AP1M1: variants seen among roughly 807,000 people sequenced by gnomAD.
The protein encoded by AP1M1 is AP-1 complex subunit mu-1.
A neutral mutation model predicts 57.1 loss-of-function variants in AP1M1; 18 were observed. That is an observed-to-expected ratio of 0.32 (90% CI 0.22 to 0.47). The LOEUF is 0.47. Among genes scored for constraint, AP1M1 ranks in the 20% least tolerant of loss-of-function variants. AP1M1 has a pLI of 1.00. For synonymous variants in AP1M1, 241 were observed against 237.9 expected (o/e 1.01, Z -0.12); for missense variants, 362 against 593.5 (o/e 0.61, Z 4.05).
At chr19:16,224,282 C>A (rs760571983) in intron 5 of AP1M1, among the ~76,000 whole-genome samples, 4 of 152,198 alleles carry the variant, frequency 2.6e-5, no homozygotes, top group Non-Finnish European at 4.4e-5. Flanking sequence ...AAAGGCAAGT[C>A]CCAGGGGGCA....
chr19:16,245,200 C>T lies in AP1M1; in HGVS notation c.*10765C>T, dbSNP rs2091659680. On this transcript the variant is annotated 3_prime_UTR_variant, in exon 12 of 12. Transcript: ENST00000291439. Reference sequence around the variant, plus strand: ...CATGAGCCACTGCGCCCAGCCAAATCTGCATTTTGATAAGTATGCATTTTA... The same window carrying T: ...CATGAGCCACTGCGCCCAGCCAAATTTGCATTTTGATAAGTATGCATTTTA... 1 of 152,010 alleles carries T rather than the reference C, an allele frequency of 6.6e-6. No homozygotes were observed. The highest frequency in any genetic ancestry group is 2.1e-4 in the South Asian group (1 of 4,830). 9.4% of individuals were successfully genotyped at this position (152,010 alleles called of 1,614,324 possible).
chr19:16,208,657 A>G (rs1720486613), intron 4 of AP1M1, among the ~76,000 whole-genome samples: 1 of 152,154 alleles, frequency 6.6e-6, no homozygotes, highest in African/African-American at 2.4e-5. Context: ...CTGCTCCTTC[A>G]GCAGGATGGG....
intron 5 of AP1M1, among the ~76,000 whole-genome samples, chr19:16,221,132 T>G (rs10451500): frequency 6.6e-6 from 1 of 152,214 alleles, no homozygotes; most frequent in Non-Finnish European, 1.5e-5. Context: ...TTTTTTGTTT[T>G]GTTTTGTTTT....
chr19:16,228,897 G>A lies in AP1M1; in HGVS notation c.1016G>A (p.Ser339Asn). The change falls in exon 9 of 12, where the codon AGC becomes AAC. Residue 339 changes from serine (S) to asparagine (N), a missense_variant. Transcript: ENST00000291439. This position sits in a 1 kb window ranked among gnomAD's most constrained non-coding sequence, Gnocchi z 5.0. Reference sequence around the variant, plus strand: ...AGCGTTAAGTGGGTCCCCGAGAACAGCGAGATCGTGTGGTCCATCAAGTCC... The same window carrying A: ...AGCGTTAAGTGGGTCCCCGAGAACAACGAGATCGTGTGGTCCATCAAGTCC... ...VGSVKWVPEN[S>N]EIVWSIKSFP... 3 of 1,614,172 alleles carry A rather than the reference G, an allele frequency of 1.9e-6. No homozygotes were observed. Among genetic ancestry groups the A allele is most frequent in the Non-Finnish European group, 2.5e-6 (3 of 1,180,020 alleles).
Position 16,238,804 on chromosome 19 carries a change from CA to C in AP1M1, c.*4372del, listed in dbSNP as rs1217643924. 4 of 150,398 alleles carry C rather than the reference CA, an allele frequency of 2.7e-5. No homozygotes were observed. The highest frequency in any genetic ancestry group is 9.9e-5 in the African/African-American group (4 of 40,596). The allele number at this position is 150,398 out of a possible 1,614,324, so 9.3% of individuals were successfully genotyped here. On this transcript the variant is annotated 3_prime_UTR_variant, in exon 12 of 12. Coordinates refer to ENST00000291439, the MANE Select transcript of AP1M1 (RefSeq NM_032493.4). ...GCATGGTCACGGCTCACTGCAGCTT[CA>C]AACTCCTGGGCTCAAGTGATCCTCC...
At chr19:16,215,330 G>A (rs1203018519) in intron 5 of AP1M1, among the ~76,000 whole-genome samples, 1 of 140,656 alleles carries the variant, frequency 7.1e-6, no homozygotes, top group Non-Finnish European at 1.6e-5. Context: ...ACGTGGTGGT[G>A]CATGCCTGTA....
At position 16,234,263 on chromosome 19, in the gene AP1M1, C is replaced by T. The variant is rs886291636; in HGVS notation, c.1238C>T (p.Thr413Met). 2 of 1,613,892 alleles carry T rather than the reference C, an allele frequency of 1.2e-6. No individual in the cohort carries two copies. Among genetic ancestry groups the T allele is most frequent in the Non-Finnish European group, 1.7e-6 (2 of 1,179,886 alleles). Residue 413 changes from threonine (T) to methionine (M), a missense_variant, in exon 11 of 12, where the codon ACG (threonine) becomes ATG (methionine). This residue lies in a region of AP1M1 where 25 missense variants were observed against 82.4 expected (regional missense o/e 0.30). Transcript: ENST00000291439. Reference sequence around the variant, plus strand: ...GCCCTGCCCTGGGTGCGTTATATCACGCAGAATGGAGGTGAGTGAGGCCCT... The same window carrying T: ...GCCCTGCCCTGGGTGCGTTATATCATGCAGAATGGAGGTGAGTGAGGCCCT... Reference protein sequence around the residue: ...YQALPWVRYITQNGDYQLRTQ With the variant: ...YQALPWVRYIMQNGDYQLRTQ
In AP1M1 at chr19:16,208,016, C is replaced by T. The variant is rs373755865; in HGVS notation, c.268-3C>T. 3 of 1,610,740 alleles carry T rather than the reference C, an allele frequency of 1.9e-6. No individual in the cohort carries two copies. Among genetic ancestry groups the T allele is most frequent in the African/African-American group, 2.7e-5 (2 of 74,724 alleles). The stretch of plus-strand genomic sequence containing the variant: ...TTCCTCCCTCCCTCCCCAACCGCCA[C>T]AGGTGTTTTCCGAGTACTTCAAGGA... On this transcript the variant is annotated splice_polypyrimidine_tract_variant and splice_region_variant and intron_variant, in intron 3 of 11. Coordinates refer to ENST00000291439, the MANE Select transcript of AP1M1 (RefSeq NM_032493.4).
At position 16,206,262 on chromosome 19, in the gene AP1M1, G is replaced by T. The variant is rs2091468984; in HGVS notation, c.200-79G>T. On this transcript the variant is annotated intron_variant, in intron 2 of 11. Coordinates refer to ENST00000291439, the MANE Select transcript of AP1M1 (RefSeq NM_032493.4). This position sits in a 1 kb window ranked among gnomAD's most constrained non-coding sequence, Gnocchi z 4.3. ...AAGGCTCTGAGGGTTGTGAGGGTTA[G>T]GGGGTCCCTCCATGAACCAGGATCT... 4.8e-6 allele frequency: 7 copies of T among 1,460,112 alleles called. No homozygotes were observed. The highest frequency in any genetic ancestry group is 5.7e-6 in the Non-Finnish European group (6 of 1,044,140). 90.4% of individuals were successfully genotyped at this position (1,460,112 alleles called of 1,614,324 possible). A position where few individuals can be genotyped will look rare whatever the true frequency, so the allele number is the denominator to read the frequency against.
chr19:16,220,389 TTGTTTTTTG>T (rs949504742), intron 5 of AP1M1, among the ~76,000 whole-genome samples: 3 of 151,878 alleles, frequency 2.0e-5, no homozygotes, highest in African/African-American at 7.3e-5. Flanking sequence ...TGGGGTTTTT[TTGTTTTTTG>T]TGTTTTTTTT....
chr19:16,219,167 A>G (rs188970967), intron 5 of AP1M1, among the ~76,000 whole-genome samples: 13 of 151,148 alleles, frequency 8.6e-5, no homozygotes, highest in African/African-American at 3.2e-4. Flanking sequence ...GGTTGTTAAT[A>G]TGGTGTATTC....
chr19:16,234,715 CA>C lies in AP1M1; in HGVS notation c.*281del. 1 of 562,158 alleles carries C rather than the reference CA, an allele frequency of 1.8e-6. No homozygotes were observed. 34.8% of individuals were successfully genotyped at this position (562,158 alleles called of 1,614,324 possible). A position where few individuals can be genotyped will look rare whatever the true frequency, so the allele number is the denominator to read the frequency against. On this transcript the variant is annotated 3_prime_UTR_variant, in exon 12 of 12. Coordinates refer to ENST00000291439, the MANE Select transcript of AP1M1 (RefSeq NM_032493.4). The stretch of plus-strand genomic sequence containing the variant: ...GTGAAATTTTTCCGTGTAGAGGTTA[CA>C]GCCTTTTATGCTGTTGAGCTCCCAG...
intron 5 of AP1M1, among the ~76,000 whole-genome samples, chr19:16,219,488 C>T (rs944985322): frequency 6.6e-6 from 1 of 151,560 alleles, no homozygotes; most frequent in Non-Finnish European, 1.5e-5. Flanking sequence ...ACCTCTCCCT[C>T]CTGGGTTCAA....
chr19:16,232,307 C>A (rs113536755), intron 9 of AP1M1, among the ~76,000 whole-genome samples: 155 of 152,348 alleles, frequency 1.0e-3, no homozygotes, highest in African/African-American at 3.7e-3. Flanking sequence ...TGTGAGCCGG[C>A]GCCAGCCTAC....
chr19:16,220,092 G>A (rs1408318880), intron 5 of AP1M1, among the ~76,000 whole-genome samples: 4 of 152,132 alleles, frequency 2.6e-5, no homozygotes, highest in African/African-American at 7.2e-5. Context: ...TCCGTTTTCT[G>A]GAAGACATTT....
chr19:16,198,113 G>T, intron 1 of AP1M1, 45 bp downstream of exon 1: 13 of 1,587,464 alleles, frequency 8.2e-6, no homozygotes, highest in Middle Eastern at 2.1e-4. Context: ...CAACCGGCAG[G>T]GGCCTCCGCC....
At chr19:16,233,345 G>A (rs972912059) in intron 9 of AP1M1, 148 bp from the exon 10 acceptor site, 22 of 1,251,004 alleles carry the variant, frequency 1.8e-5, no homozygotes, top group East Asian at 1.1e-4. Flanking sequence ...GCACAGGGCC[G>A]AGCTTTGGCT....
chr19:16,206,321 T>A lies in AP1M1; in HGVS notation c.200-20T>A. On this transcript the variant is annotated intron_variant, in intron 2 of 11. Coordinates refer to ENST00000291439, the MANE Select transcript of AP1M1 (RefSeq NM_032493.4). This position sits in a 1 kb window ranked among gnomAD's most constrained non-coding sequence, Gnocchi z 4.3. The stretch of plus-strand genomic sequence containing the variant: ...GCAGCCCCAGCCTCTGAATGCTCCT[T>A]AACTGTGGCCGCCATGCAGTGGTTG... 1 of 1,613,898 alleles carries A rather than the reference T, an allele frequency of 6.2e-7. No individual in the cohort carries two copies. The highest frequency in any genetic ancestry group is 8.5e-7 in the Non-Finnish European group (1 of 1,179,864).
chr19:16,212,061 C>T (rs1042729481), intron 5 of AP1M1, among the ~76,000 whole-genome samples: 4 of 151,986 alleles, frequency 2.6e-5, no homozygotes, highest in African/African-American at 9.7e-5. Flanking sequence ...CTGAAGTTTT[C>T]TTTTTTTGTT....
Sources: gnomAD v4.1 joint callset for allele counts (sites outside exome capture counted in the v4.1 genomes callset) on GRCh38, gnomAD v4.1.1 for gene constraint, gnomAD v4.1.1 regional missense constraint, Gnocchi (gnomAD v3.1) non-coding constraint, MANE v1.5 for transcripts, NCBI Gene and HGNC (gene_info 2026-07-23, HGNC 2026-07-21) for gene names.